The following CREBRF variants were observed in gnomAD, a reference collection of about 807,000 sequenced individuals.
CREBRF encodes UPF0474 protein C5orf41.
In CREBRF, 5 loss-of-function variants were observed where a neutral mutation model predicts 66.1. The observed-to-expected ratio is 0.08, with a 90% CI of 0.04 to 0.16. CREBRF has a LOEUF of 0.16. Ranked by LOEUF, CREBRF falls within the 10% of genes least tolerant of loss-of-function variation. CREBRF has a pLI of 1.00. For missense variants in CREBRF, 531 were observed against 744.9 expected (o/e 0.71, Z 3.34); for synonymous variants, 229 against 264.4 (o/e 0.87, Z 1.30).
At chr5:173,097,881 G>A (rs1405296308) in intron 4 of CREBRF, among the ~76,000 whole-genome samples, 1 of 151,474 alleles carries the variant, frequency 6.6e-6, no homozygotes, top group African/African-American at 2.4e-5. Context: ...ATTTATTTCT[G>A]CTCTGATCTT....
Position 173,133,937 on chromosome 5 carries a change from C to A in CREBRF, c.*192C>A. The A allele has an allele frequency of 2.5e-6, 1 of 401,086 alleles. No homozygotes were observed. The highest frequency in any genetic ancestry group is 4.3e-5 in the South Asian group (1 of 23,310). 24.8% of individuals were successfully genotyped at this position (401,086 alleles called of 1,614,324 possible). On this transcript the variant is annotated 3_prime_UTR_variant, in exon 9 of 9. Transcript: ENST00000296953. The stretch of plus-strand genomic sequence containing the variant: ...GATTATTGCATTTTCAGAGCATAAA[C>A]CATGATTAAAACTGCTACTGGCATC...
chr5:173,129,792 A>G (rs1284948664), intron 8 of CREBRF, among the ~76,000 whole-genome samples: 2 of 151,366 alleles, frequency 1.3e-5, no homozygotes, highest in African/African-American at 2.4e-5. Flanking sequence ...ATTTTAATTC[A>G]GATATCAGAA....
At position 173,062,704 on chromosome 5, in the gene CREBRF, A is replaced by C. The variant is rs187688690; in HGVS notation, c.-192+6225A>C. On this transcript the variant is annotated intron_variant, in intron 1 of 8. Coordinates refer to ENST00000296953, the MANE Select transcript of CREBRF (RefSeq NM_153607.3). Reference sequence around the variant, plus strand: ...ACAGGTTTGGGATAATTTTTCATCTACATAGTAGGGTCTTTTTTTAAGGAG... The same window carrying C: ...ACAGGTTTGGGATAATTTTTCATCTCCATAGTAGGGTCTTTTTTTAAGGAG... Among the ~76,000 whole-genome samples, 34 of 150,844 alleles carry C rather than the reference A, an allele frequency of 2.3e-4. No individual in the cohort carries two copies. In the East Asian group the frequency reaches 6.2e-3, roughly 28 times the overall value.
rs546413220 is a variant in CREBRF, at chr5:173,096,849, T to G, written c.1222+5448T>G. Among the ~76,000 whole-genome samples, 18 of 152,296 alleles carry G rather than the reference T, an allele frequency of 1.2e-4. No homozygotes were observed. The South Asian group carries it at 3.5e-3, about 30-fold the overall frequency. On this transcript the variant is annotated intron_variant, in intron 4 of 8. Transcript: ENST00000296953. ...AATGTTGTCACATGTTCTTTCCATA[T>G]CTATTGAGACGATTATATTGTTTTT...
intron 8 of CREBRF, among the ~76,000 whole-genome samples, chr5:173,132,293 G>A (rs1200054657): frequency 2.0e-5 from 3 of 150,994 alleles, no homozygotes; most frequent in Admixed American, 1.3e-4. Flanking sequence ...CACCATGTTG[G>A]CCAGGCTGGT....
intron 2 of CREBRF, among the ~76,000 whole-genome samples, chr5:173,084,141 A>G (rs1464698702): frequency 2.0e-5 from 3 of 152,214 alleles, no homozygotes; most frequent in African/African-American, 7.2e-5. Flanking sequence ...GTATGTTATT[A>G]AATGAGGCAT....
rs1356627409 is a variant in CREBRF, at chr5:173,137,552, A to T, written c.*3807A>T. 1 of 152,074 alleles carries T rather than the reference A, an allele frequency of 6.6e-6. No individual in the cohort carries two copies. Among genetic ancestry groups the T allele is most frequent in the African/African-American group, 2.4e-5 (1 of 41,434 alleles). 9.4% of individuals were successfully genotyped at this position (152,074 alleles called of 1,614,324 possible). On this transcript the variant is annotated 3_prime_UTR_variant, in exon 9 of 9. Coordinates refer to ENST00000296953, the MANE Select transcript of CREBRF (RefSeq NM_153607.3). ...TGTTCAATTCATCAGCTTGAAATTG[A>T]CTATTTCATTTTTCCAGGATTTTTT...
At chr5:173,075,553 A>C (rs73331165) in intron 1 of CREBRF, among the ~76,000 whole-genome samples, 4,264 of 152,284 alleles carry the variant, frequency 0.028, 186 homozygotes, top group African/African-American at 0.096. Context: ...GGACCTATGA[A>C]GTATAGCAGG....
chr5:173,091,043 C>G lies in CREBRF; in HGVS notation c.864C>G (p.Pro288=). 6.2e-7 allele frequency: 1 copy of G among 1,614,158 alleles called. No individual in the cohort carries two copies. The highest frequency in any genetic ancestry group is 1.1e-5 in the South Asian group (1 of 91,080). Residue 288 remains proline, a synonymous_variant, in exon 4 of 9, where the codon CCC becomes CCG. Coordinates refer to ENST00000296953, the MANE Select transcript of CREBRF (RefSeq NM_153607.3). The part of the protein sequence containing the change: ...GMEPLQGHAT[P]ALPFKETQEL... The stretch of plus-strand genomic sequence containing the variant: ...AGCCTCTTCAAGGTCATGCCACTCC[C>G]GCTTTGCCTTTTAAAGAAACCCAGG...
In CREBRF at chr5:173,131,082, C is replaced by T. The variant is rs573454258; in HGVS notation, c.1805-2548C>T. On this transcript the variant is annotated intron_variant, in intron 8 of 8. Transcript: ENST00000296953. ...CCAGGCTAAGCTCAAGTGATCCTTC[C>T]GCCTCAGCTTCCCAAAGCACTGGGA... 1.0e-3 allele frequency among the ~76,000 whole-genome samples: 157 copies of T among 152,278 alleles called. 2 individuals are homozygous for T. In the South Asian group the frequency reaches 0.015, roughly 14 times the overall value.
At chr5:173,132,460 C>T (rs1759483245) in intron 8 of CREBRF, among the ~76,000 whole-genome samples, 2 of 120 alleles carry the variant, frequency 0.017, 1 homozygote, top group African/African-American at 0.091. Context: ...CCCCCCCTCC[C>T]CTCCCCTCCC....
intron 1 of CREBRF, among the ~76,000 whole-genome samples, chr5:173,056,851 C>T (rs189844602): frequency 7.0e-6 from 1 of 143,242 alleles, no homozygotes; most frequent in Non-Finnish European, 1.5e-5. Context: ...CCGCTGCTGC[C>T]GGCAGTCGGC....
chr5:173,103,168 G>GC (rs1758668420), intron 4 of CREBRF, among the ~76,000 whole-genome samples: 1 of 152,246 alleles, frequency 6.6e-6, no homozygotes, highest in South Asian at 2.1e-4. Flanking sequence ...CAGGCATTTG[G>GC]CAGGGTCAAG....
At chr5:173,110,874 T>C (rs184367049) in intron 6 of CREBRF, among the ~76,000 whole-genome samples, 163 bp downstream of exon 6, 276 of 152,346 alleles carry the variant, frequency 1.8e-3, no homozygotes, top group African/African-American at 6.3e-3. Context: ...GACGGTATTT[T>C]TGTTTTATGG....
chr5:173,118,676 A>G (rs888941500), intron 7 of CREBRF, among the ~76,000 whole-genome samples: 4 of 151,152 alleles, frequency 2.6e-5, no homozygotes, highest in Non-Finnish European at 4.4e-5. Flanking sequence ...TTACTTCTAG[A>G]TATTGTATTC....
chr5:173,130,921 G>A (rs991469570), intron 8 of CREBRF, among the ~76,000 whole-genome samples: 2 of 152,132 alleles, frequency 1.3e-5, no homozygotes, highest in Admixed American at 6.5e-5. Flanking sequence ...TGGCCAGGCT[G>A]GTCTCAAACT....
At chr5:173,083,853 A>T (rs943865731) in intron 2 of CREBRF, among the ~76,000 whole-genome samples, 1 of 152,012 alleles carries the variant, frequency 6.6e-6, no homozygotes, top group Non-Finnish European at 1.5e-5. Context: ...TATTTTTTCA[A>T]TTTTTTTTGA....
chr5:173,098,938 A>C (rs777518491), intron 4 of CREBRF, among the ~76,000 whole-genome samples: 29 of 149,730 alleles, frequency 1.9e-4, no homozygotes, highest in Non-Finnish European at 3.1e-4. Context: ...GGTGTGCACC[A>C]GTACTATCAC....
At chr5:173,111,441 A>AT (rs1290094318) in intron 6 of CREBRF, among the ~76,000 whole-genome samples, 2 of 152,096 alleles carry the variant, frequency 1.3e-5, no homozygotes, top group Admixed American at 6.6e-5. Flanking sequence ...TAATTTTTGT[A>AT]TTTTTTGTAG....
Sources: gnomAD v4.1 joint callset for allele counts (sites outside exome capture counted in the v4.1 genomes callset) on GRCh38, gnomAD v4.1.1 for gene constraint, MANE v1.5 for transcripts, NCBI Gene and HGNC (gene_info 2026-07-23, HGNC 2026-07-21) for gene names.